Variants in ROBO2 observed in about 807,000 individuals in gnomAD.
The protein encoded by ROBO2 is roundabout homolog 2.
ROBO2 carries 53 observed loss-of-function variants against 160.8 expected under a neutral mutation model. The ratio of observed to expected loss-of-function variants is 0.33; its 90% CI spans 0.26 to 0.41. The LOEUF is 0.41. Ranked by LOEUF, ROBO2 falls within the 10% of genes least tolerant of loss-of-function variation. ROBO2 has a pLI of 1.00. For missense variants in ROBO2, 1,577 were observed against 1,722.4 expected (o/e 0.92, Z 1.49); for synonymous variants, 664 against 611.7 (o/e 1.09, Z -1.26).
At chr3:77,138,381 A>AT (rs549291182) in intron 2 of ROBO2, among the ~76,000 whole-genome samples, 161 of 152,246 alleles carry the variant, frequency 1.1e-3, no homozygotes, top group Non-Finnish European at 1.9e-3. Flanking sequence ...TGATTTACGG[A>AT]TTTTTTTCTC....
At chr3:76,076,794 C>T (rs1039540438) in intron 2 of ROBO2, among the ~76,000 whole-genome samples, 1 of 152,100 alleles carries the variant, frequency 6.6e-6, no homozygotes. Flanking sequence ...TGTTTATTAC[C>T]GCATCAAGAT....
chr3:76,935,912 G>C (rs1346267704), intron 2 of ROBO2, among the ~76,000 whole-genome samples: 2 of 152,082 alleles, frequency 1.3e-5, no homozygotes, highest in African/African-American at 4.8e-5. Context: ...CCCCACAAAG[G>C]TCCTTCTTCC....
chr3:76,946,599 G>A (rs1301381574), intron 2 of ROBO2, among the ~76,000 whole-genome samples: 2 of 151,942 alleles, frequency 1.3e-5, no homozygotes, highest in Non-Finnish European at 2.9e-5. Flanking sequence ...CACGGCATCC[G>A]GCTAATTTTT....
At chr3:77,445,555 G>T (rs1335633838) in intron 2 of ROBO2, among the ~76,000 whole-genome samples, 1 of 151,854 alleles carries the variant, frequency 6.6e-6, no homozygotes, top group Admixed American at 6.6e-5. Flanking sequence ...AAATAAAAAA[G>T]TTGACTCTTG....
At chr3:77,035,412 C>T (rs1039736435), upstream of ROBO2, among the ~76,000 whole-genome samples, 3 of 151,786 alleles carry the variant, frequency 2.0e-5, no homozygotes, top group South Asian at 4.2e-4. Context: ...GAAGTATCAC[C>T]GAACTCTTCG....
chr3:77,510,271 T>C (rs1254338690), intron 5 of ROBO2, among the ~76,000 whole-genome samples: 2 of 152,070 alleles, frequency 1.3e-5, no homozygotes, highest in Non-Finnish European at 2.9e-5. Context: ...ATTAAAGCTA[T>C]GGAACAAGAT....
chr3:76,043,620 C>CAAAAAAAA (rs56988287), intron 2 of ROBO2, among the ~76,000 whole-genome samples: 3 of 38,446 alleles, frequency 7.8e-5, no homozygotes, highest in African/African-American at 2.0e-4. Flanking sequence ...CTTCATCGTC[C>CAAAAAAAA]AAAAAAAAAA....
chr3:77,290,618 G>T (rs188210743), intron 2 of ROBO2, among the ~76,000 whole-genome samples: 8 of 6,722 alleles, frequency 1.2e-3, no homozygotes, highest in Admixed American at 3.8e-3. Flanking sequence ...AAATTGACGG[G>T]TAAACGGGTA....
At chr3:77,411,890 T>A (rs952843280) in intron 2 of ROBO2, among the ~76,000 whole-genome samples, 2 of 152,226 alleles carry the variant, frequency 1.3e-5, no homozygotes, top group South Asian at 4.1e-4. Context: ...CATCCTTTAT[T>A]GTTTCCTTCC....
At chr3:76,582,144 TTAAG>T (rs1423200619) in intron 2 of ROBO2, among the ~76,000 whole-genome samples, 1 of 152,178 alleles carries the variant, frequency 6.6e-6, no homozygotes, top group Non-Finnish European at 1.5e-5. Flanking sequence ...TAACATTAAA[TTAAG>T]TGAGTTGGAG....
intron 2 of ROBO2, among the ~76,000 whole-genome samples, chr3:76,652,806 T>G (rs559118516): frequency 2.6e-5 from 4 of 152,094 alleles, no homozygotes; most frequent in African/African-American, 9.6e-5. Flanking sequence ...AGTTCAATGA[T>G]GCTTGAAAAA....
intron 2 of ROBO2, among the ~76,000 whole-genome samples, chr3:75,978,018 C>T (rs1340738944): frequency 1.3e-5 from 2 of 151,534 alleles, no homozygotes; most frequent in East Asian, 3.9e-4. Context: ...ATGTTAGTTA[C>T]AGTATGTTCC....
chr3:76,243,392 G>A (rs1284520377), intron 2 of ROBO2, among the ~76,000 whole-genome samples: 1 of 152,176 alleles, frequency 6.6e-6, no homozygotes, highest in Non-Finnish European at 1.5e-5. Flanking sequence ...AGGTCATGTG[G>A]TATTTTGTTT....
intron 4 of ROBO2, among the ~76,000 whole-genome samples, chr3:77,484,216 A>T (rs1017572887): frequency 6.6e-6 from 1 of 152,018 alleles, no homozygotes; most frequent in African/African-American, 2.4e-5. Flanking sequence ...GGCCCAATCT[A>T]TACACCTTCC....
At chr3:76,914,491 T>G (rs2076190147) in intron 2 of ROBO2, among the ~76,000 whole-genome samples, 1 of 152,146 alleles carries the variant, frequency 6.6e-6, no homozygotes, top group South Asian at 2.1e-4. Flanking sequence ...AACTGCTACC[T>G]ATATCTACTG....
Position 77,424,907 on chromosome 3 carries a change from T to C in ROBO2, c.389-52507T>C, listed in dbSNP as rs544646455. Among the ~76,000 whole-genome samples the C allele has an allele frequency of 2.8e-4, 43 of 152,296 alleles. 1 individual carries two copies. The highest frequency in any genetic ancestry group is 7.7e-4 in the African/African-American group (32 of 41,560). On this transcript the variant is annotated intron_variant, in intron 2 of 25. Transcript: ENST00000461745. ...TACAGGTTATAGATGGTTTTCTTTC[T>C]GTATTTGGTGTTGGCTCTAAAATCC...
intron 2 of ROBO2, among the ~76,000 whole-genome samples, chr3:76,962,089 C>G (rs2079705482): frequency 6.6e-6 from 1 of 152,108 alleles, no homozygotes; most frequent in South Asian, 2.1e-4. Flanking sequence ...AATCTCAGCA[C>G]TTTGGGAGTC....
At chr3:76,993,839 C>A (rs1486049231) in intron 2 of ROBO2, among the ~76,000 whole-genome samples, 1 of 151,648 alleles carries the variant, frequency 6.6e-6, no homozygotes, top group Non-Finnish European at 1.5e-5. Context: ...TAGAAACTAT[C>A]TATACCCATG....
chr3:76,939,979 A>ATTT lies in ROBO2; in HGVS notation c.110-158017_110-158015dup, dbSNP rs71104641. Reference sequence around the variant, plus strand: ...GGCAGAGGAAGGACAAAGCAACAGGATTTTTTTTTTTTTTTTTTTTGAGAC... The same window carrying ATTT: ...GGCAGAGGAAGGACAAAGCAACAGGATTTTTTTTTTTTTTTTTTTTTTTGAGAC... On this transcript the variant is annotated intron_variant, in intron 2 of 26. Transcript: ENST00000487694. Among the ~76,000 whole-genome samples the ATTT allele has an allele frequency of 9.5e-3, 1,146 of 120,460 alleles. 46 individuals are homozygous for ATTT. The highest frequency in any genetic ancestry group is 0.022 in the African/African-American group (621 of 28,602). 79.0% of individuals were successfully genotyped at this position (120,460 alleles called of 152,430 possible).
Sources: gnomAD v4.1 joint callset for allele counts (sites outside exome capture counted in the v4.1 genomes callset) on GRCh38, gnomAD v4.1.1 for gene constraint, MANE v1.5 for transcripts, NCBI Gene and HGNC (gene_info 2026-07-23, HGNC 2026-07-21) for gene names.